Variants in APBB1IP observed in about 807,000 individuals in gnomAD.
APBB1IP encodes amyloid beta A4 precursor protein-binding family B member 1-interacting protein.
APBB1IP carries 27 observed loss-of-function variants against 64.9 expected under a neutral mutation model. That is an observed-to-expected ratio of 0.42 (90% CI 0.31 to 0.57). The LOEUF is 0.57. APBB1IP is among the 20% of genes least tolerant of loss of function. The pLI is 0.20. For missense variants in APBB1IP, 812 were observed against 845.5 expected, an observed-to-expected ratio of 0.96 and a Z score of 0.49; for synonymous variants, 392 against 331.0, an observed-to-expected ratio of 1.18 and a Z score of -2.00.
intron 2 of APBB1IP, among the ~76,000 whole-genome samples, chr10:26,453,549 C>T (rs144585798): frequency 6.6e-4 from 100 of 152,182 alleles, no homozygotes; most frequent in Non-Finnish European, 1.3e-3. Context: ...TCTCTGATGA[C>T]GTGGACTTGC....
At chr10:26,462,487 G>T (rs1469962941) in intron 2 of APBB1IP, among the ~76,000 whole-genome samples, 1 of 152,166 alleles carries the variant, frequency 6.6e-6, no homozygotes, top group Non-Finnish European at 1.5e-5. Flanking sequence ...TACTCACCAT[G>T]CATTGAGATG....
intron 2 of APBB1IP, among the ~76,000 whole-genome samples, chr10:26,474,962 A>G (rs532559221): frequency 3.3e-4 from 51 of 152,274 alleles, no homozygotes; most frequent in Non-Finnish European, 6.6e-4. Context: ...CGGAAACGCC[A>G]TCATGTCTAT....
intron 2 of APBB1IP, among the ~76,000 whole-genome samples, chr10:26,445,457 C>T (rs1310667004): frequency 9.3e-5 from 14 of 149,840 alleles, no homozygotes; most frequent in Non-Finnish European, 1.0e-4. Flanking sequence ...TGCTGTGTTG[C>T]CCAGGCTGGT....
chr10:26,531,464 G>A (rs556354846), intron 8 of APBB1IP, among the ~76,000 whole-genome samples: 42 of 152,228 alleles, frequency 2.8e-4, no homozygotes, highest in African/African-American at 1.0e-3. Context: ...TCAGGAGATC[G>A]AGACCATCCT....
intron 2 of APBB1IP, among the ~76,000 whole-genome samples, chr10:26,475,294 T>C (rs1427024331): frequency 6.6e-6 from 1 of 152,178 alleles, no homozygotes; most frequent in Non-Finnish European, 1.5e-5. Flanking sequence ...AGCTGATTTT[T>C]ATATTTTTAG....
At position 26,567,747 on chromosome 10, in the gene APBB1IP, TTCATTTATTTTATTATGTTCAG is replaced by T. The variant is rs1169748168; in HGVS notation, c.*260_*281del. 56 of 662,256 alleles carry T rather than the reference TTCATTTATTTTATTATGTTCAG, an allele frequency of 8.5e-5. No homozygotes were observed. Among genetic ancestry groups the T allele is most frequent in the Middle Eastern group, 1.1e-3 (2 of 1,870 alleles). The allele number at this position is 662,256 out of a possible 1,614,324, so 41.0% of individuals were successfully genotyped here. A position where few individuals can be genotyped will look rare whatever the true frequency, so the allele number is the denominator to read the frequency against. On this transcript the variant is annotated 3_prime_UTR_variant, in exon 15 of 15. Coordinates refer to ENST00000376236, the MANE Select transcript of APBB1IP (RefSeq NM_019043.4). ...AAGCTGCCTAAAGCGCTGTTTTAGG[TTCATTTATTTTATTATGTTCAG>T]AAGCATCAAATAAAAGTTAAACGTT... is the stretch of plus-strand genomic sequence containing the variant.
chr10:26,441,591 ACT>A (rs1267262933), intron 2 of APBB1IP, among the ~76,000 whole-genome samples: 3 of 152,064 alleles, frequency 2.0e-5, no homozygotes, highest in Admixed American at 6.6e-5. Flanking sequence ...TATTAATCTC[ACT>A]GAGTGGTACC....
intron 4 of APBB1IP, among the ~76,000 whole-genome samples, chr10:26,497,817 C>A (rs571930967): frequency 4.6e-5 from 7 of 150,796 alleles, no homozygotes; most frequent in Non-Finnish European, 1.5e-5. Flanking sequence ...ACCTCTGCCC[C>A]CTGGGTTCAA....
At chr10:26,496,003 A>AGT (rs1414786071) in intron 3 of APBB1IP, among the ~76,000 whole-genome samples, 1 of 144,484 alleles carries the variant, frequency 6.9e-6, no homozygotes, top group African/African-American at 2.6e-5. Flanking sequence ...ATATATATAT[A>AGT]GTGTGTGTGT....
rs189216166 is a variant in APBB1IP at position 26,445,180 on chromosome 10, G to T, written c.-1+6327G>T. ...AGAAAGAAAGAAAGAAAGAAAGAAAGAAAGAAAGAAAGAAAAGGGGACATA... is the reference window on the plus strand; with the variant it reads ...AGAAAGAAAGAAAGAAAGAAAGAAATAAAGAAAGAAAGAAAAGGGGACATA... On this transcript the variant is annotated intron_variant, in intron 2 of 14. Transcript: ENST00000376236. Among the ~76,000 whole-genome samples, 20 of 138,984 alleles carry T rather than the reference G, an allele frequency of 1.4e-4. 1 individual carries two copies. In the Middle Eastern group the frequency reaches 0.019, roughly 135 times the overall value. 91.2% of individuals were successfully genotyped at this position (138,984 alleles called of 152,430 possible).
intron 11 of APBB1IP, among the ~76,000 whole-genome samples, 196 bp from the exon 12 acceptor site, chr10:26,559,909 A>G (rs1175094850): frequency 6.6e-6 from 1 of 152,102 alleles, no homozygotes; most frequent in Non-Finnish European, 1.5e-5. Context: ...CTCCCAACAT[A>G]TAACAAATTT....
At chr10:26,451,899 C>A (rs771996496) in intron 2 of APBB1IP, among the ~76,000 whole-genome samples, 1 of 152,126 alleles carries the variant, frequency 6.6e-6, no homozygotes, top group Non-Finnish European at 1.5e-5. Flanking sequence ...GGCTTAAAAC[C>A]TTTGAATGAA....
intron 2 of APBB1IP, among the ~76,000 whole-genome samples, chr10:26,443,383 C>T (rs555172172): frequency 1.3e-5 from 2 of 150,090 alleles, no homozygotes; most frequent in South Asian, 4.2e-4. Flanking sequence ...AAAATCATGC[C>T]ATTGCACTCC....
chr10:26,469,292 C>T (rs1835687590), intron 2 of APBB1IP, among the ~76,000 whole-genome samples: 3 of 122,642 alleles, frequency 2.4e-5, no homozygotes, highest in South Asian at 2.5e-4. Context: ...CAGAGTCTTG[C>T]TCTGTTGCTC....
intron 10 of APBB1IP, among the ~76,000 whole-genome samples, chr10:26,538,664 G>A (rs1836659931): frequency 6.7e-6 from 1 of 148,946 alleles, no homozygotes; most frequent in African/African-American, 2.5e-5. Context: ...AAAAGTAGAA[G>A]ATAAAGAAAA....
Position 26,562,906 on chromosome 10 carries a change from A to G in APBB1IP, c.1473+477A>G, listed in dbSNP as rs187840892. Among the ~76,000 whole-genome samples the G allele has an allele frequency of 9.8e-5, 15 of 152,356 alleles. No individual in the cohort carries two copies. The East Asian group carries it at 2.5e-3, about 25-fold the overall frequency. ...TTGATATTTGTAATCTTAAAGTTAC[A>G]TATGCTAGAATCAAAAGTTAAAACC... On this transcript the variant is annotated intron_variant, in intron 14 of 14. Coordinates refer to ENST00000376236, the MANE Select transcript of APBB1IP (RefSeq NM_019043.4).
rs1431476516 is a variant in APBB1IP at position 26,445,169 on chromosome 10, AAAGAAAGAAAGAAAGAAAG to A, written c.-1+6319_-1+6337del. 7.7e-4 allele frequency among the ~76,000 whole-genome samples: 116 copies of A among 150,710 alleles called. 1 individual carries two copies. Among genetic ancestry groups the A allele is most frequent in the Middle Eastern group, 6.8e-3 (2 of 294 alleles). On this transcript the variant is annotated intron_variant, in intron 2 of 14. Coordinates refer to ENST00000376236, the MANE Select transcript of APBB1IP (RefSeq NM_019043.4). Reference sequence around the variant, plus strand: ...GAAAGAAAGAAAGAAAGAAAGAAAGAAAGAAAGAAAGAAAGAAAGAAAGAAAAGGGGACATAAAACAAAG... The same window carrying A: ...GAAAGAAAGAAAGAAAGAAAGAAAGAAAAGAAAAGGGGACATAAAACAAAG...
intron 11 of APBB1IP, among the ~76,000 whole-genome samples, chr10:26,551,658 C>A (rs918069319): frequency 4.6e-5 from 7 of 152,188 alleles, no homozygotes; most frequent in African/African-American, 1.4e-4. Context: ...TGGAATTCCG[C>A]CCCGTCGCTC....
At chr10:26,451,089 A>G (rs1835460661) in intron 2 of APBB1IP, among the ~76,000 whole-genome samples, 1 of 151,340 alleles carries the variant, frequency 6.6e-6, no homozygotes, top group South Asian at 2.1e-4. Context: ...GTTGAGAGAC[A>G]GTAATTAATT....
Sources: gnomAD v4.1 joint callset for allele counts (sites outside exome capture counted in the v4.1 genomes callset) on GRCh38, gnomAD v4.1.1 for gene constraint, MANE v1.5 for transcripts, NCBI Gene and HGNC (gene_info 2026-07-23, HGNC 2026-07-21) for gene names.